BICRA: variants seen among roughly 807,000 people sequenced by gnomAD.
BICRA encodes BRD4 interacting chromatin remodeling complex associated protein.
BICRA carries 31 observed loss-of-function variants against 96.9 expected under a neutral mutation model. That is an observed-to-expected ratio of 0.32 (90% confidence interval 0.24 to 0.43). The LOEUF is 0.43. Ranked by LOEUF, BICRA falls within the 20% of genes least tolerant of loss-of-function variation. BICRA has a pLI of 1.00. For missense variants in BICRA, 2,283 were observed against 2,190.3 expected (o/e 1.04, Z -0.84); for synonymous variants, 1,350 against 1,071.8 (o/e 1.26, Z -5.07).
rs1973392458 is a variant in BICRA at position 47,698,892 on chromosome 19, C to T, written c.3398-73C>T. 2.2e-6 allele frequency: 3 copies of T among 1,362,880 alleles called. No homozygotes were observed. The highest frequency in any genetic ancestry group is 3.1e-6 in the Non-Finnish European group (3 of 975,206). 84.4% of individuals were successfully genotyped at this position (1,362,880 alleles called of 1,614,324 possible). A position where few individuals can be genotyped will look rare whatever the true frequency, so the allele number is the denominator to read the frequency against. On this transcript the variant is annotated intron_variant, in intron 12 of 14. Transcript: ENST00000594866. This position sits in a 1 kb window ranked among gnomAD's most constrained non-coding sequence, Gnocchi z 4.8. ...TCCACGGTGCGCTATGCTGACCCTG[C>T]CCCGCCCTCCTTCCTGCGCATCCGC...
chr19:47,611,407 T>TG (rs1555783329), intron 1 of BICRA, among the ~76,000 whole-genome samples: 1 of 150,438 alleles, frequency 6.6e-6, no homozygotes, highest in Non-Finnish European at 1.5e-5. Context: ...GTGTGAGGAG[T>TG]GGGGGAGGGG....
At chr19:47,635,765 G>A (rs1972292532) in intron 1 of BICRA, among the ~76,000 whole-genome samples, 2 of 152,104 alleles carry the variant, frequency 1.3e-5, no homozygotes, top group South Asian at 2.1e-4. Flanking sequence ...ACATGCTATA[G>A]CACATATCAG....
At chr19:47,616,659 A>G (rs1971989286) in intron 1 of BICRA, among the ~76,000 whole-genome samples, 1 of 151,432 alleles carries the variant, frequency 6.6e-6, no homozygotes, top group African/African-American at 2.4e-5. Context: ...AAAGGAAGAC[A>G]ATGCCCAAAT....
chr19:47,701,719 C>T lies in BICRA; in HGVS notation c.3987C>T (p.Pro1329=), dbSNP rs999932874. 6.3e-7 allele frequency: 1 copy of T among 1,588,980 alleles called. No homozygotes were observed. The highest frequency in any genetic ancestry group is 8.6e-7 in the Non-Finnish European group (1 of 1,168,526). Residue 1329 remains proline (P), a synonymous_variant, in exon 15 of 15, where the codon CCC becomes CCT. Transcript: ENST00000594866. The surrounding 1 kb of genome is among the most constrained non-coding windows in gnomAD (Gnocchi z 5.4). ...SKVVHNTALD[P]VHQPPPPPAT... ...TCGTGCACAACACGGCCCTGGACCCCGTGCACCAGCCCCCGCCACCCCCCG... is the reference window on the plus strand; with the variant it reads ...TCGTGCACAACACGGCCCTGGACCCTGTGCACCAGCCCCCGCCACCCCCCG...
Position 47,681,874 on chromosome 19 carries a change from C to A in BICRA, c.2107-102C>A, listed in dbSNP as rs1295824620. ...CTGCCAGGCTGCCCACTACCCCATT[C>A]TCTGGAACCCTGGGAGCGTCAATAG... On this transcript the variant is annotated intron_variant, in intron 6 of 14. Coordinates refer to ENST00000594866, the MANE Select transcript of BICRA (RefSeq NM_001394372.1). 1.6e-5 allele frequency: 13 copies of A among 836,768 alleles called. 1 individual carries two copies. Among genetic ancestry groups the A allele is most frequent in the Non-Finnish European group, 1.5e-5 (8 of 550,740 alleles). The allele number at this position is 836,768 out of a possible 1,614,324, so 51.8% of individuals were successfully genotyped here. A position where few individuals can be genotyped will look rare whatever the true frequency, so the allele number is the denominator to read the frequency against.
At position 47,694,130 on chromosome 19, in the gene BICRA, C is replaced by T; in HGVS notation, c.2299C>T (p.Pro767Ser). The stretch of plus-strand genomic sequence containing the variant: ...CCCTGCCCAGATCCCGGCAGCGGCT[C>T]CGCTGAAGGGCCCAGGCCCCTCTTC... ...APAPQIPAAA[P>S]LKGPGPSSSP... is the part of the protein sequence containing the mutation. Residue 767 changes from proline (P) to serine (S), a missense_variant, in exon 8 of 15, where the codon CCG (proline) becomes TCG (serine). Physicochemically the swap from Pro to Ser is moderately conservative, Grantham distance 74 (BLOSUM62 -1). Transcript: ENST00000594866. 38 of 1,451,474 alleles carry T rather than the reference C, an allele frequency of 2.6e-5. No individual in the cohort carries two copies. The highest frequency in any genetic ancestry group is 3.5e-5 in the Non-Finnish European group (38 of 1,090,978). The allele number at this position is 1,451,474 out of a possible 1,614,324, so 89.9% of individuals were successfully genotyped here. A position where few individuals can be genotyped will look rare whatever the true frequency, so the allele number is the denominator to read the frequency against.
chr19:47,608,893 GTTT>G (rs368469481), upstream of BICRA, among the ~76,000 whole-genome samples: 92,313 of 129,400 alleles, frequency 0.71, 33,074 homozygotes, highest in Middle Eastern at 0.75. Flanking sequence ...AACCTGAGAG[GTTT>G]TTTTTTTTTT....
chr19:47,627,658 A>G (rs1006948141), intron 1 of BICRA, among the ~76,000 whole-genome samples: 17 of 152,226 alleles, frequency 1.1e-4, no homozygotes, highest in African/African-American at 3.1e-4. Context: ...TGAGCCAGGA[A>G]AAAAGAAAAG....
chr19:47,696,537 T>G (rs1973346440), intron 11 of BICRA, 25 bp downstream of exon 11: 1 of 1,581,370 alleles, frequency 6.3e-7, no homozygotes, highest in African/African-American at 1.3e-5. Flanking sequence ...CATCCTTGCA[T>G]GCCTGCCCTG....
Position 47,680,769 on chromosome 19 carries a change from C to A in BICRA, c.1599C>A (p.His533Gln). The change falls in exon 6 of 15, where the codon CAC (histidine) becomes CAA (glutamine). Residue 533 changes from histidine to glutamine, a missense_variant. Physicochemically the swap from His to Gln is conservative, Grantham distance 24. Transcript: ENST00000594866. The part of the protein sequence containing the change: ...PLSLGPVLAP[H>Q]SGAHSAHILS... Reference sequence around the variant, plus strand: ...GCCTGGGCCCCGTGTTGGCCCCCCACTCCGGGGCCCACAGCGCGCACATCC... The same window carrying A: ...GCCTGGGCCCCGTGTTGGCCCCCCAATCCGGGGCCCACAGCGCGCACATCC... The A allele has an allele frequency of 6.2e-7, 1 of 1,610,124 alleles. No homozygotes were observed. The highest frequency in any genetic ancestry group is 8.5e-7 in the Non-Finnish European group (1 of 1,178,844).
chr19:47,694,084 C>T (rs1461264310), intron 7 of BICRA, 31 bp from the exon 8 acceptor site: 4 of 1,260,328 alleles, frequency 3.2e-6, no homozygotes, highest in Non-Finnish European at 3.1e-6. Flanking sequence ...CTGACCCCCG[C>T]CCCTCCCCTC....
Position 47,702,276 on chromosome 19 carries a change from C to T in BICRA, c.4544C>T (p.Pro1515Leu), listed in dbSNP as rs1372054759. Reference protein sequence around the residue: ...IDSILNLQQAPGRTPAPSYPH... With the variant: ...IDSILNLQQALGRTPAPSYPH... ...AGCATCCTGAACCTGCAGCAGGCCC[C>T]CGGCCGGACGCCCGCGCCCTCGTAC... Residue 1515 changes from proline (P) to leucine (L), a missense_variant, in exon 15 of 15, where the codon CCC (proline) becomes CTC (leucine). Transcript: ENST00000594866. 6.3e-7 allele frequency: 1 copy of T among 1,595,998 alleles called. No individual in the cohort carries two copies. The highest frequency in any genetic ancestry group is 8.5e-7 in the Non-Finnish European group (1 of 1,177,096).
intron 1 of BICRA, among the ~76,000 whole-genome samples, chr19:47,612,952 C>T (rs1462603632): frequency 6.7e-6 from 1 of 149,762 alleles, no homozygotes; most frequent in Non-Finnish European, 1.5e-5. Flanking sequence ...TAAGAATTCT[C>T]GGGGGAGGTG....
At chr19:47,642,721 AAAAG>A (rs1397480103) in intron 1 of BICRA, among the ~76,000 whole-genome samples, 2 of 152,072 alleles carry the variant, frequency 1.3e-5, no homozygotes, top group Non-Finnish European at 2.9e-5. Context: ...AGAAAAAAGA[AAAAG>A]AAAAAAGAAA....
Position 47,615,437 on chromosome 19 carries a change from C to T in BICRA, c.-108+6269C>T, listed in dbSNP as rs1414478073. On this transcript the variant is annotated intron_variant, in intron 1 of 14. Transcript: ENST00000594866. ...CCTTGCCTCTTCCTCCTGCTTATGG[C>T]CTGCGTCATGTGCTTGCCACCTGGT... is the stretch of plus-strand genomic sequence containing the variant. Among the ~76,000 whole-genome samples the T allele has an allele frequency of 2.6e-5, 4 of 152,204 alleles. No individual in the cohort carries two copies. In the South Asian group the frequency reaches 8.3e-4, roughly 31 times the overall value.
At chr19:47,666,295 T>C (rs1282332420) in intron 1 of BICRA, among the ~76,000 whole-genome samples, 4 of 70,860 alleles carry the variant, frequency 5.6e-5, no homozygotes, top group Non-Finnish European at 1.1e-4. Flanking sequence ...TTTCTTTTTC[T>C]TCTTTTTTTT....
intron 1 of BICRA, among the ~76,000 whole-genome samples, chr19:47,651,184 A>G (rs757920658): frequency 2.0e-5 from 3 of 151,990 alleles, no homozygotes; most frequent in Non-Finnish European, 4.4e-5. Flanking sequence ...CACCCAAGTC[A>G]GGTCATGTCC....
intron 1 of BICRA, among the ~76,000 whole-genome samples, chr19:47,628,870 A>G (rs926797416): frequency 1.4e-4 from 22 of 152,100 alleles, no homozygotes; most frequent in African/African-American, 5.3e-4. Flanking sequence ...GGCCTCCCAA[A>G]GTACTGGGAT....
rs570764323 is a variant in BICRA at position 47,694,216 on chromosome 19, C to T, written c.2385C>T (p.His795=). The stretch of plus-strand genomic sequence containing the variant: ...ACAGCCCCCACCTGCCCTCCCCACA[C>T]CCCACCCGGCCCCCTTCCCGCCCAC... ...LGDSPHLPSP[H]PTRPPSRPPS... is the part of the protein sequence containing the mutation. Residue 795 remains histidine, a synonymous_variant, in exon 8 of 15, where the codon CAC becomes CAT. Transcript: ENST00000594866. 6.3e-4 allele frequency: 757 copies of T among 1,198,068 alleles called. 3 individuals carry two copies. In the African/African-American group the frequency reaches 0.011, roughly 17 times the overall value. 74.2% of individuals were successfully genotyped at this position (1,198,068 alleles called of 1,614,324 possible). A position where few individuals can be genotyped will look rare whatever the true frequency, so the allele number is the denominator to read the frequency against.
Sources: allele counts gnomAD v4.1 joint callset (sites outside exome capture counted in the v4.1 genomes callset), GRCh38; gene constraint gnomAD v4.1.1; non-coding constraint Gnocchi (gnomAD v3.1); transcripts MANE v1.5; gene names NCBI Gene and HGNC (gene_info 2026-07-23, HGNC 2026-07-21).